The following ABCG8 variants were observed in gnomAD, a reference collection of about 807,000 sequenced individuals.
ABCG8 encodes the protein ATP binding cassette subfamily G member 8.
ABCG8 carries 81 observed loss-of-function variants against 71.3 expected under a neutral mutation model. The ratio of observed to expected loss-of-function variants is 1.14; its 90% confidence interval spans 0.95 to 1.37. The LOEUF (loss-of-function observed/expected upper bound fraction) is 1.37. ABCG8 is among the 40% of genes most tolerant of loss of function. The pLI is 0.00. For missense variants in ABCG8, 1,119 were observed against 866.2 expected (o/e 1.29, Z -3.66); for synonymous variants, 451 against 354.7 (o/e 1.27, Z -3.05).
intron 1 of ABCG8, among the ~76,000 whole-genome samples, chr2:43,841,331 A>G (rs1458598983): frequency 2.0e-5 from 3 of 152,204 alleles, no homozygotes; most frequent in Non-Finnish European, 4.4e-5. Context: ...CTGGTTACCT[A>G]CAAATAAACC....
At chr2:43,861,184 A>G (rs1447734348) in intron 6 of ABCG8, among the ~76,000 whole-genome samples, 1 of 150,852 alleles carries the variant, frequency 6.6e-6, no homozygotes, top group Non-Finnish European at 1.5e-5. Flanking sequence ...CTCACCATCT[A>G]GATAGAACTC....
chr2:43,857,336 A>G (rs1669147734), intron 6 of ABCG8, among the ~76,000 whole-genome samples: 1 of 151,368 alleles, frequency 6.6e-6, no homozygotes, highest in South Asian at 2.1e-4. Context: ...TACTCTCTGG[A>G]TAGAACTCTC....
At chr2:43,841,861 A>T (rs1022354650) in intron 1 of ABCG8, among the ~76,000 whole-genome samples, 1 of 152,194 alleles carries the variant, frequency 6.6e-6, no homozygotes, top group Non-Finnish European at 1.5e-5. Context: ...CGCCTCCTCC[A>T]TGCCTAAATC....
At chr2:43,845,470 G>C (rs2104911718) in intron 2 of ABCG8, among the ~76,000 whole-genome samples, 1 of 152,312 alleles carries the variant, frequency 6.6e-6, no homozygotes, top group South Asian at 2.1e-4. Flanking sequence ...AGTGAGGATT[G>C]AATAAGGTGA....
At chr2:43,868,816 C>G (rs1201344815) in intron 6 of ABCG8, among the ~76,000 whole-genome samples, 1 of 150,730 alleles carries the variant, frequency 6.6e-6, no homozygotes, top group East Asian at 1.9e-4. Context: ...AGAACTCTCA[C>G]TATCTGGGTA....
intron 6 of ABCG8, among the ~76,000 whole-genome samples, chr2:43,868,227 A>C (rs9973482): frequency 0.44 from 66,258 of 151,728 alleles, 15,235 homozygotes; most frequent in East Asian, 0.86. Flanking sequence ...CTCTGGATAG[A>C]CCTCTCACTA....
chr2:43,874,405 A>G lies in ABCG8; in HGVS notation c.1412-2A>G, dbSNP rs2104947953. 1.3e-6 allele frequency: 2 copies of G among 1,587,530 alleles called. No homozygotes were observed. Among genetic ancestry groups the G allele is most frequent in the Non-Finnish European group, 1.7e-6 (2 of 1,157,770 alleles). ...TCTCTTTTCCTTTCCCTTACTTTTT[A>G]GGTTACTCAGAGAGGGCAATGCTTT... On this transcript the variant is annotated splice_acceptor_variant, in intron 9 of 12. Coordinates refer to ENST00000272286, the MANE Select transcript of ABCG8 (RefSeq NM_022437.3). LOFTEE classifies it high-confidence loss of function.
At chr2:43,850,099 C>T (rs1018739504) in intron 3 of ABCG8, among the ~76,000 whole-genome samples, 1 of 152,106 alleles carries the variant, frequency 6.6e-6, no homozygotes, top group East Asian at 1.9e-4. Flanking sequence ...TGGCAGGTGC[C>T]TGTAATCCCA....
chr2:43,875,502 C>T lies in ABCG8; in HGVS notation c.1756+89C>T, dbSNP rs1045821685. Reference sequence around the variant, plus strand: ...CTTTCATCTGGAGATGGACACTTATCACTTAGATCCAACTCGAGGCTGGCC... The same window carrying T: ...CTTTCATCTGGAGATGGACACTTATTACTTAGATCCAACTCGAGGCTGGCC... On this transcript the variant is annotated intron_variant, in intron 11 of 12. Transcript: ENST00000272286. 4.7e-6 allele frequency: 7 copies of T among 1,492,950 alleles called. No homozygotes were observed. The Admixed American group carries it at 9.5e-5, about 20-fold the overall frequency. The allele number at this position is 1,492,950 out of a possible 1,614,324, so 92.5% of individuals were successfully genotyped here. A position where few individuals can be genotyped will look rare whatever the true frequency, so the allele number is the denominator to read the frequency against.
chr2:43,853,839 C>T (rs933857166), intron 6 of ABCG8, among the ~76,000 whole-genome samples: 2 of 152,144 alleles, frequency 1.3e-5, no homozygotes, highest in African/African-American at 4.8e-5. Flanking sequence ...TCCAGCAGCC[C>T]ACACCCTCCT....
At chr2:43,871,943 G>A (rs1255897396) in intron 6 of ABCG8, 33 bp from the exon 7 acceptor site, 2 of 1,613,672 alleles carry the variant, frequency 1.2e-6, no homozygotes, top group East Asian at 2.2e-5. Context: ...CCAGGGAACA[G>A]GCCACCTGTG....
At chr2:43,839,569 G>C (rs1180457961) in intron 1 of ABCG8, among the ~76,000 whole-genome samples, 2 of 151,586 alleles carry the variant, frequency 1.3e-5, no homozygotes, top group African/African-American at 2.4e-5. Context: ...TGAGATTACA[G>C]GCACCTGCCA....
At chr2:43,845,784 G>T (rs991533536) in intron 2 of ABCG8, among the ~76,000 whole-genome samples, 3 of 152,088 alleles carry the variant, frequency 2.0e-5, no homozygotes, top group Non-Finnish European at 4.4e-5. Flanking sequence ...ACCATGCCTG[G>T]CTAATTTTTG....
intron 2 of ABCG8, among the ~76,000 whole-genome samples, chr2:43,845,877 C>T (rs1668727708): frequency 6.6e-6 from 1 of 152,200 alleles, no homozygotes; most frequent in African/African-American, 2.4e-5. Context: ...CTGCCTCAGC[C>T]TTCCAAAGTG....
rs73924041 is a variant in ABCG8 at position 43,851,079 on chromosome 2, G to C, written c.323-505G>C. On this transcript the variant is annotated intron_variant, in intron 3 of 12. Transcript: ENST00000272286. ...TATTTCTCAAAATAGATTTGGTTTT[G>C]CATGTTTAAAAGACGCTCTATAAAT... Among the ~76,000 whole-genome samples the C allele has an allele frequency of 5.8e-3, 875 of 152,148 alleles. 8 individuals carry two copies. The highest frequency in any genetic ancestry group is 0.02 in the African/African-American group (838 of 41,484).
intron 6 of ABCG8, among the ~76,000 whole-genome samples, chr2:43,866,208 A>C (rs1166023935): frequency 6.6e-6 from 1 of 151,902 alleles, no homozygotes; most frequent in Non-Finnish European, 1.5e-5. Flanking sequence ...GATGGATTAA[A>C]GAGTTAAACA....
intron 9 of ABCG8, 140 bp from the exon 10 acceptor site, chr2:43,874,267 C>G (rs1669881295): frequency 1.2e-6 from 1 of 842,756 alleles, no homozygotes; most frequent in African/African-American, 1.7e-5. Context: ...GATGGCTTTA[C>G]TGTGCCTATT....
intron 11 of ABCG8, among the ~76,000 whole-genome samples, chr2:43,876,435 C>T (rs1050228205): frequency 2.0e-5 from 3 of 149,572 alleles, no homozygotes; most frequent in Non-Finnish European, 4.5e-5. Flanking sequence ...AGACTGAATA[C>T]GGGGGAGACT....
intron 4 of ABCG8, 135 bp from the exon 5 acceptor site, chr2:43,852,219 A>G (rs1373013560): frequency 4.8e-6 from 6 of 1,238,956 alleles, no homozygotes; most frequent in South Asian, 1.2e-5. Flanking sequence ...GCAGCTTGGA[A>G]CTCAAGTGCT....
Sources: allele counts gnomAD v4.1 joint callset (sites outside exome capture counted in the v4.1 genomes callset), GRCh38; gene constraint gnomAD v4.1.1; transcripts MANE v1.5; gene names NCBI Gene and HGNC (gene_info 2026-07-23, HGNC 2026-07-21).